SPPL3: variants seen among roughly 807,000 people sequenced by gnomAD.
SPPL3 encodes the protein signal peptide peptidase like 3, also known as signal peptide peptidase-like 3.
SPPL3 carries 5 observed loss-of-function variants against 42.4 expected under a neutral mutation model. That is an observed-to-expected ratio of 0.12 (90% CI 0.06 to 0.25). SPPL3 has a LOEUF of 0.25. SPPL3 is among the 10% of genes least tolerant of loss of function. SPPL3 has a pLI of 1.00. For missense variants in SPPL3, 235 were observed against 489.0 expected, an observed-to-expected ratio of 0.48 and a Z score of 4.90; for synonymous variants, 195 against 181.8, an observed-to-expected ratio of 1.07 and a Z score of -0.58.
chr12:120,884,276 C>CT, intron 1 of SPPL3, among the ~76,000 whole-genome samples: 1 of 152,156 alleles, frequency 6.6e-6, no homozygotes, highest in South Asian at 2.1e-4. Context: ...CCTATAGTTT[C>CT]TTTAACTGGT....
At chr12:120,843,889 C>T (rs1460050052) in intron 1 of SPPL3, among the ~76,000 whole-genome samples, 1 of 152,102 alleles carries the variant, frequency 6.6e-6, no homozygotes, top group East Asian at 1.9e-4. Context: ...ACCCGGGAGG[C>T]GGAGGTTGCA....
intron 1 of SPPL3, among the ~76,000 whole-genome samples, chr12:120,894,489 C>T (rs1873739947): frequency 6.6e-6 from 1 of 152,242 alleles, no homozygotes; most frequent in African/African-American, 2.4e-5. Context: ...AAGTCAGGCA[C>T]TGTACGTAGG....
At chr12:120,843,286 G>A (rs1000924009) in intron 1 of SPPL3, among the ~76,000 whole-genome samples, 1 of 152,144 alleles carries the variant, frequency 6.6e-6, no homozygotes, top group Non-Finnish European at 1.5e-5. Context: ...ATCTATTCTT[G>A]ATACAATCTT....
chr12:120,782,908 T>C lies in SPPL3; in HGVS notation c.390-141A>G, dbSNP rs559575173. 100 of 636,010 alleles carry C rather than the reference T, an allele frequency of 1.6e-4. 1 individual carries two copies. Among genetic ancestry groups the C allele is most frequent in the Middle Eastern group, 1.0e-3 (4 of 3,868 alleles). The allele number at this position is 636,010 out of a possible 1,614,324, so 39.4% of individuals were successfully genotyped here. A position where few individuals can be genotyped will look rare whatever the true frequency, so the allele number is the denominator to read the frequency against. On this transcript the variant is annotated intron_variant, in intron 5 of 10. Transcript: ENST00000353487. Reference sequence around the variant, plus strand: ...AAATCCAAAATACCCAATCCTTTTTTGGAGAAACCTATGGAAAGCTCACAG... The same window carrying C: ...AAATCCAAAATACCCAATCCTTTTTCGGAGAAACCTATGGAAAGCTCACAG...
chr12:120,897,817 A>G (rs1165507135), intron 1 of SPPL3, among the ~76,000 whole-genome samples: 1 of 152,238 alleles, frequency 6.6e-6, no homozygotes, highest in Non-Finnish European at 1.5e-5. Flanking sequence ...TCCATCAGCT[A>G]CAATTGGATA....
chr12:120,838,719 C>T (rs1871703329), intron 1 of SPPL3, among the ~76,000 whole-genome samples: 1 of 152,150 alleles, frequency 6.6e-6, no homozygotes, highest in African/African-American at 2.4e-5. Flanking sequence ...CTAATAGTTA[C>T]CATTCCAAGA....
chr12:120,903,599 G>A, intron 1 of SPPL3: 1 of 464,776 alleles, frequency 2.2e-6, no homozygotes, highest in Non-Finnish European at 3.9e-6. Context: ...TCCGCCCATA[G>A]CCAGATGACA....
chr12:120,866,860 T>C (rs1872770458), intron 1 of SPPL3, among the ~76,000 whole-genome samples: 1 of 152,212 alleles, frequency 6.6e-6, no homozygotes, highest in Admixed American at 6.5e-5. Flanking sequence ...CTGAGGCAAA[T>C]AAAAGAACAT....
chr12:120,891,992 G>A (rs1300028510), intron 1 of SPPL3, among the ~76,000 whole-genome samples: 2 of 152,080 alleles, frequency 1.3e-5, no homozygotes, highest in Non-Finnish European at 2.9e-5. Context: ...GTGTTGTCAG[G>A]ATATTAGAAA....
At chr12:120,842,775 C>A (rs1157811598) in intron 1 of SPPL3, among the ~76,000 whole-genome samples, 1 of 152,040 alleles carries the variant, frequency 6.6e-6, no homozygotes, top group Non-Finnish European at 1.5e-5. Context: ...TCTTACACCA[C>A]CACACTGGAG....
intron 1 of SPPL3, among the ~76,000 whole-genome samples, chr12:120,876,770 TC>T (rs796132946): frequency 7.4e-4 from 112 of 151,110 alleles, no homozygotes; most frequent in African/African-American, 2.6e-3. Context: ...AAGAAAGTTT[TC>T]AAATTAATGA....
intron 6 of SPPL3, among the ~76,000 whole-genome samples, chr12:120,781,872 C>G (rs1305383295): frequency 6.6e-6 from 1 of 151,816 alleles, no homozygotes; most frequent in Non-Finnish European, 1.5e-5. Flanking sequence ...CCACAATGCC[C>G]AGCCCTTATT....
chr12:120,830,608 G>GAGAGAGAGAGAGAAT (rs1871397093), intron 1 of SPPL3, among the ~76,000 whole-genome samples: 2 of 61,868 alleles, frequency 3.2e-5, no homozygotes, highest in East Asian at 8.1e-4. Flanking sequence ...AGAGAGAGAA[G>GAGAGAGAGAGAGAAT]GTGTACATGC....
intron 10 of SPPL3, among the ~76,000 whole-genome samples, chr12:120,765,375 A>G (rs529439568): frequency 6.6e-6 from 1 of 150,934 alleles, no homozygotes; most frequent in East Asian, 2.0e-4. Flanking sequence ...GCAACCTCCG[A>G]CTCCTGGGTT....
At chr12:120,803,402 T>TTTA (rs1212031535) in intron 2 of SPPL3, among the ~76,000 whole-genome samples, 1 of 152,128 alleles carries the variant, frequency 6.6e-6, no homozygotes, top group African/African-American at 2.4e-5. Context: ...AGCAGATCAG[T>TTTA]TTATTGAAAG....
At chr12:120,818,988 G>A (rs1291851355) in intron 1 of SPPL3, among the ~76,000 whole-genome samples, 1 of 152,174 alleles carries the variant, frequency 6.6e-6, no homozygotes, top group African/African-American at 2.4e-5. Flanking sequence ...ATGGAAGATA[G>A]CTGGATTCTC....
chr12:120,833,018 A>T (rs1240437144), intron 1 of SPPL3, among the ~76,000 whole-genome samples: 3 of 152,366 alleles, frequency 2.0e-5, no homozygotes, highest in South Asian at 4.1e-4. Flanking sequence ...CTTTAAATGC[A>T]CTACAAAGAA....
chr12:120,871,146 A>AAAAAAAAAAAAAAG (rs1242592629), intron 1 of SPPL3, among the ~76,000 whole-genome samples: 7 of 149,754 alleles, frequency 4.7e-5, no homozygotes, highest in African/African-American at 1.7e-4. Flanking sequence ...AAAAAAAAAA[A>AAAAAAAAAAAAAAG]AAAGAAAAAG....
chr12:120,825,136 GA>G, intron 1 of SPPL3, among the ~76,000 whole-genome samples: 1 of 151,340 alleles, frequency 6.6e-6, no homozygotes, highest in Non-Finnish European at 1.5e-5. Flanking sequence ...AAAAAAAAAG[GA>G]CAGATCCAAA....
Sources: allele counts gnomAD v4.1 joint callset (sites outside exome capture counted in the v4.1 genomes callset), GRCh38; gene constraint gnomAD v4.1.1; transcripts MANE v1.5; gene names NCBI Gene and HGNC (gene_info 2026-07-23, HGNC 2026-07-21).